ATP10B: variants seen among roughly 807,000 people sequenced by gnomAD.
ATP10B encodes ATPase phospholipid transporting 10B (putative), also known as phospholipid-transporting ATPase VB.
In ATP10B, 122 loss-of-function variants were observed where a neutral mutation model predicts 141.2. The observed-to-expected ratio is 0.86, with a 90% CI of 0.75 to 1.00. The LOEUF is 1.00. ATP10B is among the 50% of genes least tolerant of loss of function. The pLI is 0.00. For synonymous variants in ATP10B, 685 were observed against 692.0 expected (o/e 0.99, Z 0.16); for missense variants, 1,876 against 1,825.3 (o/e 1.03, Z -0.51).
chr5:160,821,905 C>A (rs936368748), intron 1 of ATP10B, among the ~76,000 whole-genome samples: 1 of 152,056 alleles, frequency 6.6e-6, no homozygotes, highest in African/African-American at 2.4e-5. Context: ...AACTATGAAA[C>A]TACTGAAAGC....
At chr5:160,888,863 T>C in the ATP10B span, among the ~76,000 whole-genome samples, 1 of 152,210 alleles carries the variant, frequency 6.6e-6, no homozygotes, top group East Asian at 1.9e-4. Flanking sequence ...TTTTGAGATA[T>C]AGATGTTACT....
At chr5:160,837,654 T>C (rs1272399327) in intron 1 of ATP10B, among the ~76,000 whole-genome samples, 1 of 152,132 alleles carries the variant, frequency 6.6e-6, no homozygotes, top group Non-Finnish European at 1.5e-5. Context: ...TAATAATCCT[T>C]TGCAAAGAAG....
At chr5:160,650,296 C>T (rs189023338) in intron 7 of ATP10B, among the ~76,000 whole-genome samples, 41 of 151,896 alleles carry the variant, frequency 2.7e-4, no homozygotes, top group African/African-American at 8.5e-4. Flanking sequence ...ATTTTAACAA[C>T]GAGATTCAGT....
At chr5:160,699,270 T>G (rs1292131130) in intron 3 of ATP10B, among the ~76,000 whole-genome samples, 2 of 152,226 alleles carry the variant, frequency 1.3e-5, no homozygotes, top group East Asian at 3.8e-4. Flanking sequence ...GAAATGTGAT[T>G]TCACTTAAAA....
intron 3 of ATP10B, among the ~76,000 whole-genome samples, chr5:160,690,961 GC>G (rs1366867218): frequency 2.0e-5 from 3 of 152,114 alleles, no homozygotes; most frequent in African/African-American, 7.2e-5. Context: ...CAACCCAAAT[GC>G]CCATTAATGA....
At chr5:160,927,475 A>G in the ATP10B span, among the ~76,000 whole-genome samples, 1 of 152,250 alleles carries the variant, frequency 6.6e-6, no homozygotes, top group South Asian at 2.1e-4. Flanking sequence ...TAGCCTTTTT[A>G]TCTTACCCCA....
intron 7 of ATP10B, among the ~76,000 whole-genome samples, chr5:160,667,425 T>C (rs1762390944): frequency 6.6e-6 from 1 of 152,068 alleles, no homozygotes; most frequent in South Asian, 2.1e-4. Flanking sequence ...GAGATAATCA[T>C]GCAAAGCCCT....
chr5:160,919,149 G>A, the ATP10B span, among the ~76,000 whole-genome samples: 9 of 143,148 alleles, frequency 6.3e-5, no homozygotes, highest in South Asian at 2.3e-4. Context: ...GCGTGAACCC[G>A]GGAGGCGGAG....
At chr5:160,642,515 G>T (rs1261900919) in intron 9 of ATP10B, among the ~76,000 whole-genome samples, 1 of 152,122 alleles carries the variant, frequency 6.6e-6, no homozygotes, top group South Asian at 2.1e-4. Flanking sequence ...AGAAATTTGG[G>T]TTATCTCACT....
chr5:160,858,035 A>G, the ATP10B span, among the ~76,000 whole-genome samples: 5 of 151,892 alleles, frequency 3.3e-5, no homozygotes, highest in Non-Finnish European at 5.9e-5. Flanking sequence ...TTGATGTAAA[A>G]TTTTTATATT....
the ATP10B span, among the ~76,000 whole-genome samples, chr5:160,869,287 C>T: frequency 5.9e-5 from 9 of 151,948 alleles, no homozygotes; most frequent in Non-Finnish European, 1.3e-4. Flanking sequence ...TCATTTTTTC[C>T]CATCAGAATG....
At position 160,634,521 on chromosome 5, in the gene ATP10B, T is replaced by C. The variant is rs1157002674; in HGVS notation, c.1214A>G (p.Tyr405Cys). ...VFFLSNDLDL[Y>C]DEETDLSIQC... Reference sequence around the variant, plus strand: ...AATGGATAAATCGGTCTCTTCATCATACAGGTCAAGGTCATTGCTCAAGAA... The same window carrying C: ...AATGGATAAATCGGTCTCTTCATCACACAGGTCAAGGTCATTGCTCAAGAA... The change falls in exon 12 of 26, where the codon TAT (tyrosine) becomes TGT (cysteine). Residue 405 changes from tyrosine (Y) to cysteine (C), a missense_variant. Coordinates refer to ENST00000327245, the MANE Select transcript of ATP10B (RefSeq NM_025153.3). 6.2e-7 allele frequency: 1 copy of C among 1,614,198 alleles called. No individual in the cohort carries two copies. Among genetic ancestry groups the C allele is most frequent in the East Asian group, 2.2e-5 (1 of 44,884 alleles).
At chr5:160,909,299 T>G in the ATP10B span, among the ~76,000 whole-genome samples, 240 of 152,196 alleles carry the variant, frequency 1.6e-3, no homozygotes, top group Middle Eastern at 3.4e-3. Context: ...GTGTGTGTGT[T>G]TTTTTTAATT....
chr5:160,893,932 G>T, the ATP10B span, among the ~76,000 whole-genome samples: 1 of 152,170 alleles, frequency 6.6e-6, no homozygotes, highest in African/African-American at 2.4e-5. Context: ...GCAAGCTCCA[G>T]CAGACCTGCA....
At chr5:160,704,046 G>T (rs1023461887) in intron 3 of ATP10B, among the ~76,000 whole-genome samples, 1 of 152,088 alleles carries the variant, frequency 6.6e-6, no homozygotes, top group Admixed American at 6.5e-5. Context: ...TCAGTGCCAT[G>T]ATCACAGCTC....
intron 6 of ATP10B, chr5:160,684,718 T>A: frequency 3.4e-6 from 2 of 588,234 alleles, no homozygotes; most frequent in East Asian, 2.8e-5. Flanking sequence ...ACAGCTTCCC[T>A]GAAATAAAAT....
intron 2 of ATP10B, among the ~76,000 whole-genome samples, chr5:160,779,589 G>C (rs1390429331): frequency 6.6e-6 from 1 of 152,152 alleles, no homozygotes; most frequent in African/African-American, 2.4e-5. Context: ...GCTTGGAAGT[G>C]GATCCTTCCC....
the ATP10B span, among the ~76,000 whole-genome samples, chr5:160,877,587 A>G: frequency 9.3e-5 from 14 of 150,450 alleles, no homozygotes; most frequent in East Asian, 5.9e-4. Context: ...AAAAGAGGAA[A>G]TCAAATTGTC....
At chr5:160,635,496 T>G (rs1008694618) in intron 11 of ATP10B, among the ~76,000 whole-genome samples, 2 of 152,156 alleles carry the variant, frequency 1.3e-5, no homozygotes, top group African/African-American at 4.8e-5. Context: ...TATGATTTAA[T>G]TCGCATTTAA....
Sources: gnomAD v4.1 joint callset for allele counts (sites outside exome capture counted in the v4.1 genomes callset) on GRCh38, gnomAD v4.1.1 for gene constraint, MANE v1.5 for transcripts, NCBI Gene and HGNC (gene_info 2026-07-23, HGNC 2026-07-21) for gene names.